The following SLC30A8 variants were observed in gnomAD, a reference collection of about 807,000 sequenced individuals.
The protein encoded by SLC30A8 is solute carrier family 30 member 8.
In SLC30A8, 27 loss-of-function variants were observed where a neutral mutation model predicts 36.9. That is an observed-to-expected ratio of 0.73 (90% CI 0.54 to 1.01). The LOEUF (loss-of-function observed/expected upper bound fraction) is 1.01, where lower values mean the gene tolerates loss of function less well. Among genes scored for constraint, SLC30A8 ranks in the 50% least tolerant of loss-of-function variants. The pLI is 0.00. For synonymous variants in SLC30A8, 164 were observed against 172.4 expected (o/e 0.95, Z 0.38); for missense variants, 439 against 452.0 (o/e 0.97, Z 0.26).
intron 1 of SLC30A8, among the ~76,000 whole-genome samples, chr8:116,971,632 A>C (rs1301293955): frequency 6.6e-6 from 1 of 152,146 alleles, no homozygotes; most frequent in Non-Finnish European, 1.5e-5. Flanking sequence ...GTTTTCAAAG[A>C]ATCAAATTCA....
intron 1 of SLC30A8, among the ~76,000 whole-genome samples, chr8:116,982,510 A>G (rs1815302802): frequency 6.6e-6 from 1 of 152,218 alleles, no homozygotes; most frequent in South Asian, 2.1e-4. Flanking sequence ...TTACATTACA[A>G]TAAATGTGAG....
At chr8:117,012,156 T>C (rs1308180121) in intron 1 of SLC30A8, among the ~76,000 whole-genome samples, 2 of 152,186 alleles carry the variant, frequency 1.3e-5, no homozygotes, top group Non-Finnish European at 2.9e-5. Flanking sequence ...TAGCATATGC[T>C]GTTTGGAGTT....
At chr8:117,085,443 G>A (rs1367124254) in intron 2 of SLC30A8, among the ~76,000 whole-genome samples, 1 of 152,054 alleles carries the variant, frequency 6.6e-6, no homozygotes, top group Non-Finnish European at 1.5e-5. Flanking sequence ...TACACTAAAT[G>A]GAATTCCAAG....
chr8:117,058,675 G>T (rs1184711640), intron 2 of SLC30A8, among the ~76,000 whole-genome samples: 2 of 152,198 alleles, frequency 1.3e-5, no homozygotes, highest in Non-Finnish European at 2.9e-5. Flanking sequence ...ACCCGGTTTT[G>T]CATGGCCTAT....
At chr8:117,059,948 G>C (rs944357411) in intron 2 of SLC30A8, among the ~76,000 whole-genome samples, 3 of 152,100 alleles carry the variant, frequency 2.0e-5, no homozygotes, top group Non-Finnish European at 2.9e-5. Flanking sequence ...TGGAGGCAGA[G>C]GGGGTGAGAA....
At chr8:117,149,588 G>GAATC (rs1822070882) in intron 2 of SLC30A8, among the ~76,000 whole-genome samples, 1 of 152,182 alleles carries the variant, frequency 6.6e-6, no homozygotes, top group Non-Finnish European at 1.5e-5. Context: ...AATTTTGGGT[G>GAATC]AATCAGTGCG....
At chr8:117,148,212 CT>C (rs1201298456) in intron 2 of SLC30A8, among the ~76,000 whole-genome samples, 2 of 151,948 alleles carry the variant, frequency 1.3e-5, no homozygotes, top group Admixed American at 6.5e-5. Flanking sequence ...GAGAAGATAG[CT>C]TTTTTGTTGT....
chr8:117,026,632 G>A (rs1005968116), intron 1 of SLC30A8, among the ~76,000 whole-genome samples: 1 of 152,098 alleles, frequency 6.6e-6, no homozygotes, highest in Non-Finnish European at 1.5e-5. Flanking sequence ...CCAAAGTTTG[G>A]TGCTCACCCT....
intron 2 of SLC30A8, among the ~76,000 whole-genome samples, chr8:117,113,085 A>C (rs1331608354): frequency 2.6e-5 from 4 of 152,144 alleles, no homozygotes; most frequent in African/African-American, 9.7e-5. Context: ...CTTGCTACTC[A>C]AATTGTGGTG....
At chr8:117,034,895 G>A (rs974463731) in intron 1 of SLC30A8, among the ~76,000 whole-genome samples, 2 of 152,080 alleles carry the variant, frequency 1.3e-5, no homozygotes, top group Admixed American at 6.6e-5. Context: ...AAGAGAGAGA[G>A]AGTAGGAGGA....
chr8:117,077,340 A>T (rs1421566395), intron 2 of SLC30A8, among the ~76,000 whole-genome samples: 4 of 152,216 alleles, frequency 2.6e-5, no homozygotes, highest in African/African-American at 9.6e-5. Context: ...TCATCATTCT[A>T]AAAAGAAGAA....
intron 2 of SLC30A8, among the ~76,000 whole-genome samples, chr8:117,071,148 T>C (rs940512130): frequency 1.3e-5 from 2 of 152,166 alleles, no homozygotes; most frequent in African/African-American, 4.8e-5. Context: ...GCTATACTAA[T>C]TTATAGTCCC....
chr8:117,168,069 G>T (rs377200480), intron 6 of SLC30A8, among the ~76,000 whole-genome samples: 3 of 151,568 alleles, frequency 2.0e-5, no homozygotes. Context: ...CCAGGAGAAC[G>T]GTATGGGGGA....
chr8:117,019,127 T>C (rs928317878), intron 1 of SLC30A8, among the ~76,000 whole-genome samples: 2 of 152,220 alleles, frequency 1.3e-5, no homozygotes, highest in Non-Finnish European at 2.9e-5. Flanking sequence ...AGACTCTCTA[T>C]TGAGATTATC....
chr8:116,993,784 A>C (rs1401837550), intron 1 of SLC30A8, among the ~76,000 whole-genome samples: 1 of 152,010 alleles, frequency 6.6e-6, no homozygotes, highest in Non-Finnish European at 1.5e-5. Flanking sequence ...AGGGCATATC[A>C]GCAGAAAATA....
At chr8:116,982,658 C>T (rs910527624) in intron 1 of SLC30A8, among the ~76,000 whole-genome samples, 1 of 152,048 alleles carries the variant, frequency 6.6e-6, no homozygotes, top group Non-Finnish European at 1.5e-5. Context: ...AATTTTTTTC[C>T]CTATCAGTCC....
chr8:116,976,826 T>TCTTTTCTTTTCTTTTC (rs200479091), intron 1 of SLC30A8, among the ~76,000 whole-genome samples: 39 of 142,008 alleles, frequency 2.7e-4, no homozygotes, highest in African/African-American at 1.1e-3. Flanking sequence ...TTCTTTCTTT[T>TCTTTTCTTTTCTTTTC]TTTTTTTTTT....
chr8:117,118,791 C>G (rs1380444839), intron 2 of SLC30A8, among the ~76,000 whole-genome samples: 1 of 151,928 alleles, frequency 6.6e-6, no homozygotes, highest in African/African-American at 2.4e-5. Flanking sequence ...TGTAAAACTA[C>G]TTATCAATCT....
intron 2 of SLC30A8, among the ~76,000 whole-genome samples, chr8:117,121,606 C>T (rs538639819): frequency 1.5e-4 from 23 of 152,062 alleles, no homozygotes; most frequent in Admixed American, 1.5e-3. Flanking sequence ...AAGATGCCAC[C>T]TCCTAATACT....
Sources: gnomAD v4.1 joint callset for allele counts (sites outside exome capture counted in the v4.1 genomes callset) on GRCh38, gnomAD v4.1.1 for gene constraint, MANE v1.5 for transcripts, NCBI Gene and HGNC (gene_info 2026-07-23, HGNC 2026-07-21) for gene names.